BCAS1: variants seen among roughly 807,000 people sequenced by gnomAD.
BCAS1 encodes the protein brain enriched myelin associated protein 1.
Under a neutral mutation model 65.4 loss-of-function variants are expected in BCAS1, and 46 were observed. The ratio of observed to expected loss-of-function variants is 0.70; its 90% CI spans 0.55 to 0.90. BCAS1 has a LOEUF of 0.90. Among genes scored for constraint, BCAS1 ranks in the 40% least tolerant of loss-of-function variants. BCAS1 has a pLI of 0.00. For synonymous variants in BCAS1, 298 were observed against 293.5 expected, an observed-to-expected ratio of 1.02 and a Z score of -0.16; for missense variants, 793 against 771.2, an observed-to-expected ratio of 1.03 and a Z score of -0.33.
intron 4 of BCAS1, among the ~76,000 whole-genome samples, chr20:54,022,814 A>G (rs997169762): frequency 2.6e-5 from 4 of 152,222 alleles, no homozygotes; most frequent in Admixed American, 2.6e-4. Context: ...CCACACAGCT[A>G]TTTAGTGGTA....
intron 1 of BCAS1, among the ~76,000 whole-genome samples, chr20:54,066,179 T>C (rs921207740): frequency 6.6e-6 from 1 of 152,008 alleles, no homozygotes; most frequent in Non-Finnish European, 1.5e-5. Context: ...TTCACACCAT[T>C]CTCCTGCCTC....
intron 4 of BCAS1, among the ~76,000 whole-genome samples, chr20:54,004,560 CA>C (rs1455650713): frequency 6.6e-6 from 1 of 152,170 alleles, no homozygotes; most frequent in East Asian, 1.9e-4. Flanking sequence ...GAAAGTGGCA[CA>C]AGACATAAAT....
At chr20:54,018,080 CG>C (rs1458995492) in intron 4 of BCAS1, among the ~76,000 whole-genome samples, 1 of 152,134 alleles carries the variant, frequency 6.6e-6, no homozygotes, top group Non-Finnish European at 1.5e-5. Context: ...TTGTTTGGCC[CG>C]TGCAAAGAAA....
At chr20:54,041,872 C>G (rs1259434864) in intron 3 of BCAS1, among the ~76,000 whole-genome samples, 1 of 86,970 alleles carries the variant, frequency 1.1e-5, no homozygotes, top group Non-Finnish European at 2.4e-5. Flanking sequence ...GCACTCTAAC[C>G]TGGGCAACAG....
rs375840957 is a variant in BCAS1 at position 53,964,496 on chromosome 20, C to T, written c.1485+2410G>A. On this transcript the variant is annotated intron_variant, in intron 10 of 12. Transcript: ENST00000688948. ...TAATGTTCGTGTTCCCAGGCCTTTT[C>T]GTGGGCAACTGGTAATAAGAACAAT... 2.8e-4 allele frequency among the ~76,000 whole-genome samples: 42 copies of T among 152,290 alleles called. 1 individual carries two copies. The South Asian group carries it at 7.5e-3, about 27-fold the overall frequency.
rs148010662 is a variant in BCAS1, at chr20:54,070,155, G to T, written c.-6+278C>A. 6.4e-3 allele frequency among the ~76,000 whole-genome samples: 979 copies of T among 152,246 alleles called. 9 individuals are homozygous for T. The highest frequency in any genetic ancestry group is 0.022 in the African/African-American group (925 of 41,518). ...CCTGTGCTTGAAATGACCCTCAATA[G>T]TTCCACCAAATAGGAGTTATTTATG... is the stretch of plus-strand genomic sequence containing the variant. On this transcript the variant is annotated intron_variant, in intron 1 of 12. Coordinates refer to ENST00000688948, the MANE Select transcript of BCAS1 (RefSeq NM_001366298.2).
chr20:54,041,482 C>T (rs1006548397), intron 3 of BCAS1, among the ~76,000 whole-genome samples: 3 of 152,104 alleles, frequency 2.0e-5, no homozygotes, highest in Non-Finnish European at 4.4e-5. Context: ...TGTTTGGCCT[C>T]ATAAATAGTA....
At chr20:54,057,351 T>C (rs2146320694) in intron 3 of BCAS1, among the ~76,000 whole-genome samples, 2 of 152,346 alleles carry the variant, frequency 1.3e-5, no homozygotes, top group African/African-American at 4.8e-5. Context: ...CCTTTAATCC[T>C]GATAGCAATT....
chr20:53,977,882 T>A (rs117774009), intron 8 of BCAS1, among the ~76,000 whole-genome samples: 2,445 of 152,262 alleles, frequency 0.016, 55 homozygotes, highest in East Asian at 0.098. Context: ...ATTCTTTTTT[T>A]AATTTATTTA....
At chr20:54,068,106 A>G (rs1485356389) in intron 1 of BCAS1, among the ~76,000 whole-genome samples, 1 of 152,192 alleles carries the variant, frequency 6.6e-6, no homozygotes, top group African/African-American at 2.4e-5. Flanking sequence ...GACACAGGGA[A>G]CTGAAATCCA....
chr20:54,004,193 A>G (rs547050170), intron 4 of BCAS1, among the ~76,000 whole-genome samples: 1 of 152,264 alleles, frequency 6.6e-6, no homozygotes, highest in African/African-American at 2.4e-5. Flanking sequence ...TGCTCTTATA[A>G]AAGAGACCCC....
At chr20:54,022,063 TAAAG>T (rs934055625) in intron 4 of BCAS1, among the ~76,000 whole-genome samples, 11 of 152,160 alleles carry the variant, frequency 7.2e-5, no homozygotes, top group African/African-American at 2.4e-4. Context: ...TGAAGCACAA[TAAAG>T]AGAGGTACTC....
chr20:54,040,897 A>G (rs373745767), intron 3 of BCAS1, among the ~76,000 whole-genome samples: 2 of 151,544 alleles, frequency 1.3e-5, no homozygotes, highest in East Asian at 3.9e-4. Context: ...TGTCCATAGC[A>G]GCATTTTCAT....
chr20:54,064,234 G>A (rs929542675), intron 1 of BCAS1, among the ~76,000 whole-genome samples: 19 of 152,204 alleles, frequency 1.2e-4, no homozygotes, highest in African/African-American at 4.6e-4. Flanking sequence ...GCTGGGCATC[G>A]GGGTACTTTC....
chr20:54,060,471 C>A (rs749176539), intron 1 of BCAS1, among the ~76,000 whole-genome samples: 3 of 150,322 alleles, frequency 2.0e-5, no homozygotes, highest in African/African-American at 7.3e-5. Flanking sequence ...TGGCACAACA[C>A]CAGACTATTT....
At chr20:53,983,130 AAAG>A (rs1249834192) in intron 8 of BCAS1, among the ~76,000 whole-genome samples, 1 of 152,246 alleles carries the variant, frequency 6.6e-6, no homozygotes, top group Non-Finnish European at 1.5e-5. Context: ...CTTGAACTTC[AAAG>A]AAGAACCACT....
chr20:53,983,220 A>G (rs2090525173), intron 8 of BCAS1, among the ~76,000 whole-genome samples: 1 of 150,848 alleles, frequency 6.6e-6, no homozygotes, highest in South Asian at 2.2e-4. Flanking sequence ...TGGACAGTAT[A>G]GAAAGATAAA....
chr20:54,009,402 C>G (rs62207387), intron 4 of BCAS1, among the ~76,000 whole-genome samples: 1 of 151,990 alleles, frequency 6.6e-6, no homozygotes, highest in Non-Finnish European at 1.5e-5. Flanking sequence ...GTACAGATTA[C>G]CAGTATCAGG....
chr20:53,995,915 T>C lies in BCAS1; in HGVS notation c.859A>G (p.Ile287Val), dbSNP rs760251505. 7 of 1,608,546 alleles carry C rather than the reference T, an allele frequency of 4.4e-6. No individual in the cohort carries two copies. The highest frequency in any genetic ancestry group is 1.3e-5 in the African/African-American group (1 of 74,668). ...AAAIAENNNS[I>V]MSFFKTLVSP... ...ACCAGAGTTTTAAAGAAACTCATGA[T>C]GGAATTATTATTCTCTGCTATAGCT... Residue 287 changes from isoleucine (I) to valine (V), a missense_variant, in exon 5 of 13, where the codon ATC (isoleucine) becomes GTC (valine). Ile to Val is a conservative substitution (Grantham distance 29, BLOSUM62 3). Coordinates refer to ENST00000688948, the MANE Select transcript of BCAS1 (RefSeq NM_001366298.2).
Sources: gnomAD v4.1 joint callset for allele counts (sites outside exome capture counted in the v4.1 genomes callset) on GRCh38, gnomAD v4.1.1 for gene constraint, MANE v1.5 for transcripts, NCBI Gene and HGNC (gene_info 2026-07-23, HGNC 2026-07-21) for gene names.